Variants in PRDX3 observed in about 807,000 individuals in gnomAD.
PRDX3 encodes thioredoxin-dependent peroxide reductase, mitochondrial.
In PRDX3, 20 loss-of-function variants were observed where a neutral mutation model predicts 30.4. The observed-to-expected ratio is 0.66, with a 90% CI of 0.46 to 0.96. The LOEUF is 0.96. PRDX3 is among the 40% of genes least tolerant of loss of function. The probability of loss-of-function intolerance (pLI) is 0.00; values close to 1 mark genes in which losing one functional copy is unlikely to be tolerated. For synonymous variants in PRDX3, 124 were observed against 117.8 expected (o/e 1.05, Z -0.34); for missense variants, 322 against 318.3 (o/e 1.01, Z -0.09).
Position 119,168,515 on chromosome 10 carries a change from C to G in PRDX3, c.736G>C (p.Ala246Pro). 6.2e-7 allele frequency: 1 copy of G among 1,613,922 alleles called. No individual in the cohort carries two copies. The highest frequency in any genetic ancestry group is 8.5e-7 in the Non-Finnish European group (1 of 1,180,000). ...DSPTIKPSPAASKEYFQKVNQ is the reference protein window; with the variant it reads ...DSPTIKPSPAPSKEYFQKVNQ ...ACCTTCTGAAAGTACTCTTTGGAAG[C>G]AGCTGGACTTGGCTTGATCTGAAAA... The change falls in exon 7 of 7, where the codon GCT becomes CCT. Residue 246 changes from alanine to proline, a missense_variant. Ala to Pro is a conservative substitution (Grantham distance 27). Transcript: ENST00000298510.
rs750395077 is a variant in PRDX3 at position 119,177,156 on chromosome 10, G to C, written c.37-3C>G. 1 of 1,612,632 alleles carries C rather than the reference G, an allele frequency of 6.2e-7. No homozygotes were observed. The highest frequency in any genetic ancestry group is 1.1e-5 in the South Asian group (1 of 91,018). On this transcript the variant is annotated splice_polypyrimidine_tract_variant and splice_region_variant and intron_variant, in intron 1 of 6. Transcript: ENST00000298510. Reference sequence around the variant, plus strand: ...ATGGCACTCACATGTCGGGCAACCTGGAAAGAGAAACTTTTTATTAGAAAG... The same window carrying C: ...ATGGCACTCACATGTCGGGCAACCTCGAAAGAGAAACTTTTTATTAGAAAG...
chr10:119,173,706 A>G (rs34665257), intron 4 of PRDX3, 31 bp downstream of exon 4: 1,086 of 1,602,506 alleles, frequency 6.8e-4, no homozygotes, highest in Non-Finnish European at 8.5e-4. Flanking sequence ...GCAAGTTTAT[A>G]AGAGCAAAAG....
intron 4 of PRDX3, 88 bp from the exon 5 acceptor site, chr10:119,172,573 G>A (rs528859080): frequency 1.0e-4 from 110 of 1,083,438 alleles, no homozygotes; most frequent in East Asian, 1.7e-4. Context: ...CAACAGTAAC[G>A]GCGATAGGTA....
chr10:119,173,903 A>G (rs760454718), intron 3 of PRDX3, 31 bp from the exon 4 acceptor site: 1 of 1,583,490 alleles, frequency 6.3e-7, no homozygotes, highest in Non-Finnish European at 8.6e-7. Context: ...TTCTCATTAG[A>G]GCATTTAAAA....
At chr10:119,173,409 AGACCAGCGT>A (rs908725945) in intron 4 of PRDX3, among the ~76,000 whole-genome samples, 4 of 152,136 alleles carry the variant, frequency 2.6e-5, no homozygotes, top group African/African-American at 7.2e-5. Flanking sequence ...CAGGAGTTCG[AGACCAGCGT>A]GACCAACATG....
intron 5 of PRDX3, among the ~76,000 whole-genome samples, chr10:119,171,871 C>T (rs1188107017): frequency 6.6e-6 from 1 of 152,204 alleles, no homozygotes; most frequent in African/African-American, 2.4e-5. Context: ...CAAGAGACTA[C>T]CTCTTACCCT....
chr10:119,174,509 G>C lies in PRDX3; in HGVS notation c.253C>G (p.Leu85Val). Residue 85 changes from leucine (L) to valine (V), a missense_variant, in exon 3 of 7, where the codon CTA becomes GTA. Physicochemically the swap from Leu to Val is conservative, Grantham distance 32. Coordinates refer to ENST00000298510, the MANE Select transcript of PRDX3 (RefSeq NM_006793.5). ...TAVVNGEFKD[L>V]SLDDFKGKYL... is the part of the protein sequence containing the mutation. Reference sequence around the variant, plus strand: ...TTCCCCTTAAAGTCATCAAGGCTTAGGTCTTTGAACTCTCCATTGACAACG... The same window carrying C: ...TTCCCCTTAAAGTCATCAAGGCTTACGTCTTTGAACTCTCCATTGACAACG... 1 of 1,612,956 alleles carries C rather than the reference G, an allele frequency of 6.2e-7. No individual in the cohort carries two copies. The highest frequency in any genetic ancestry group is 8.5e-7 in the Non-Finnish European group (1 of 1,179,628).
chr10:119,171,851 G>T (rs932164181), intron 5 of PRDX3, among the ~76,000 whole-genome samples: 9 of 152,192 alleles, frequency 5.9e-5, no homozygotes, highest in Non-Finnish European at 8.8e-5. Flanking sequence ...GCTGAAGATG[G>T]TCACCATTCC....
chr10:119,170,905 G>GA (rs1269162263), intron 5 of PRDX3: 121 of 104,250 alleles, frequency 1.2e-3, no homozygotes, highest in Middle Eastern at 5.2e-3. Context: ...GAAAAGAAAA[G>GA]AAAAAAAAAA....
At chr10:119,168,681 G>A in intron 6 of PRDX3, 148 bp from the exon 7 acceptor site, 1 of 1,446,534 alleles carries the variant, frequency 6.9e-7, no homozygotes, top group South Asian at 1.4e-5. Flanking sequence ...TTTCATTAAG[G>A]CCTGCCTGTC....
intron 1 of PRDX3, 128 bp downstream of exon 1, chr10:119,178,627 G>T: frequency 1.7e-6 from 2 of 1,209,502 alleles, no homozygotes; most frequent in Non-Finnish European, 1.2e-6. Flanking sequence ...CTCTGGGTCC[G>T]TTACCCGCGG....
intron 4 of PRDX3, 37 bp from the exon 5 acceptor site, chr10:119,172,522 GC>G (rs781546342): frequency 6.5e-7 from 1 of 1,535,104 alleles, no homozygotes; most frequent in East Asian, 2.2e-5. Flanking sequence ...AGAATGTGTG[GC>G]CTCACAACAT....
chr10:119,177,289 G>A, intron 1 of PRDX3, 136 bp from the exon 2 acceptor site: 1 of 796,888 alleles, frequency 1.3e-6, no homozygotes, highest in African/African-American at 1.7e-5. Context: ...TAAGAGCATG[G>A]ATTGGATCTG....
intron 1 of PRDX3, among the ~76,000 whole-genome samples, chr10:119,177,412 C>A (rs1300525333): frequency 6.6e-6 from 1 of 152,154 alleles, no homozygotes; most frequent in Non-Finnish European, 1.5e-5. Context: ...GTAATCCCAG[C>A]ACTTTGGGAG....
intron 2 of PRDX3, 76 bp from the exon 3 acceptor site, chr10:119,174,668 A>G (rs558510838): frequency 1.5e-6 from 2 of 1,365,632 alleles, no homozygotes; most frequent in South Asian, 3.1e-5. Context: ...TAAACTTCTC[A>G]TAATTAATTA....
chr10:119,168,678 A>G (rs1589658896), intron 6 of PRDX3, 145 bp from the exon 7 acceptor site: 2 of 1,449,968 alleles, frequency 1.4e-6, no homozygotes, highest in East Asian at 5.0e-5. Context: ...AAGTTTCATT[A>G]AGGCCTGCCT....
intron 1 of PRDX3, 39 bp from the exon 2 acceptor site, chr10:119,177,192 C>G (rs765351012): frequency 6.2e-7 from 1 of 1,606,696 alleles, no homozygotes; most frequent in South Asian, 1.1e-5. Flanking sequence ...TTTTCCTGGA[C>G]TGGTGACTGA....
At chr10:119,172,663 AT>A (rs1223613852) in intron 4 of PRDX3, among the ~76,000 whole-genome samples, 178 bp from the exon 5 acceptor site, 2 of 152,238 alleles carry the variant, frequency 1.3e-5, no homozygotes, top group Non-Finnish European at 2.9e-5. Flanking sequence ...AGAAGACACT[AT>A]CAAAATGAGG....
At chr10:119,177,377 C>T (rs1589667049) in intron 1 of PRDX3, among the ~76,000 whole-genome samples, 2 of 152,064 alleles carry the variant, frequency 1.3e-5, no homozygotes, top group South Asian at 2.1e-4. Context: ...ACACAAAGAC[C>T]GGCTGGGCGC....
Sources: allele counts gnomAD v4.1 joint callset (sites outside exome capture counted in the v4.1 genomes callset), GRCh38; gene constraint gnomAD v4.1.1; transcripts MANE v1.5; gene names NCBI Gene and HGNC (gene_info 2026-07-23, HGNC 2026-07-21).